The following MED13 variants were observed in gnomAD, a reference collection of about 807,000 sequenced individuals.
MED13 encodes the protein mediator complex subunit 13.
In MED13, 23 loss-of-function variants were observed where a neutral mutation model predicts 225.2. That is an observed-to-expected ratio of 0.10 (90% CI 0.07 to 0.14). The LOEUF (loss-of-function observed/expected upper bound fraction) is 0.14, where lower values mean the gene tolerates loss of function less well. MED13 is among the 10% of genes least tolerant of loss of function. The pLI, the probability that MED13 is intolerant of heterozygous loss-of-function variation, is 1.00. For synonymous variants in MED13, 942 were observed against 889.2 expected (o/e 1.06, Z -1.06); for missense variants, 2,197 against 2,594.5 (o/e 0.85, Z 3.33).
intron 3 of MED13, among the ~76,000 whole-genome samples, chr17:62,035,827 C>G (rs1438969697): frequency 1.3e-5 from 2 of 151,988 alleles, no homozygotes; most frequent in Non-Finnish European, 2.9e-5. Flanking sequence ...AATACAGGAA[C>G]CAGTTAAACG....
At chr17:62,024,660 A>T (rs1407804846) in intron 8 of MED13, among the ~76,000 whole-genome samples, 1 of 152,190 alleles carries the variant, frequency 6.6e-6, no homozygotes, top group East Asian at 1.9e-4. Context: ...ACTAGTATCC[A>T]ATAGTTATTT....
At chr17:61,977,837 C>T (rs1013408408) in intron 16 of MED13, among the ~76,000 whole-genome samples, 3 of 151,600 alleles carry the variant, frequency 2.0e-5, no homozygotes, top group African/African-American at 7.3e-5. Flanking sequence ...GCAATACTCC[C>T]GCCTCAGCCT....
chr17:61,969,862 A>G (rs549354926), intron 17 of MED13, among the ~76,000 whole-genome samples: 1 of 152,284 alleles, frequency 6.6e-6, no homozygotes, highest in Non-Finnish European at 1.5e-5. Flanking sequence ...TCGGCCTCCC[A>G]AAGTGCTGGG....
intron 1 of MED13, among the ~76,000 whole-genome samples, chr17:62,064,282 T>C (rs532991476): frequency 3.3e-4 from 50 of 152,300 alleles, no homozygotes; most frequent in South Asian, 2.1e-3. Context: ...TTTGCAACAG[T>C]TGGTACTTCT....
At chr17:61,991,171 T>C (rs572313457) in intron 11 of MED13, among the ~76,000 whole-genome samples, 99 of 152,206 alleles carry the variant, frequency 6.5e-4, no homozygotes, top group Non-Finnish European at 7.4e-4. Flanking sequence ...CAGGCTGCAG[T>C]GCAGTGGCAC....
rs190225556 is a variant in MED13, at chr17:61,962,872, T to A, written c.4944A>T (p.Thr1648=). Residue 1648 remains threonine, a synonymous_variant, in exon 21 of 30, where the codon ACA becomes ACT. Coordinates refer to ENST00000397786, the MANE Select transcript of MED13 (RefSeq NM_005121.3). ...TAGTGCTCTCGTCTGTATTTTCGTA[T>A]GTAAAAGGATCAATTATATAAACAA... ...AIVVYIIDPF[T]YENTDESTNS... The A allele has an allele frequency of 6.3e-4, 1,014 of 1,614,054 alleles. 6 individuals are homozygous for A. Among genetic ancestry groups the A allele is most frequent in the African/African-American group, 4.5e-3 (335 of 75,028 alleles).
chr17:62,061,331 C>A (rs772733757), intron 2 of MED13, among the ~76,000 whole-genome samples: 4 of 150,184 alleles, frequency 2.7e-5, no homozygotes, highest in African/African-American at 7.4e-5. Context: ...CCAGCCTGGT[C>A]AACACAGCAA....
intron 16 of MED13, among the ~76,000 whole-genome samples, chr17:61,980,976 A>T (rs998351493): frequency 6.0e-5 from 9 of 150,884 alleles, no homozygotes; most frequent in African/African-American, 2.0e-4. Context: ...TGCCCACCTC[A>T]GTCTCCCAAA....
At chr17:62,044,404 TTTCC>T (rs2080881245) in intron 3 of MED13, among the ~76,000 whole-genome samples, 1 of 151,932 alleles carries the variant, frequency 6.6e-6, no homozygotes. Flanking sequence ...ACAGCCATCC[TTTCC>T]TTCCTGTGAA....
chr17:62,059,023 A>G (rs1439340013), intron 2 of MED13, among the ~76,000 whole-genome samples: 1 of 152,224 alleles, frequency 6.6e-6, no homozygotes, highest in East Asian at 1.9e-4. Context: ...ATCTGAACAG[A>G]TTCTTCAGAA....
At chr17:61,954,208 A>T (rs1213952605) in intron 26 of MED13, among the ~76,000 whole-genome samples, 1 of 152,158 alleles carries the variant, frequency 6.6e-6, no homozygotes, top group Non-Finnish European at 1.5e-5. Context: ...CACGAAAACA[A>T]GAGAGCATAA....
chr17:62,028,073 T>A (rs777490313), intron 8 of MED13, among the ~76,000 whole-genome samples: 22 of 152,172 alleles, frequency 1.4e-4, no homozygotes, highest in Non-Finnish European at 2.8e-4. Context: ...GGAATATAAA[T>A]CATTCTACCA....
At chr17:62,054,225 C>T (rs988906791) in intron 2 of MED13, among the ~76,000 whole-genome samples, 1 of 151,674 alleles carries the variant, frequency 6.6e-6, no homozygotes, top group Non-Finnish European at 1.5e-5. Flanking sequence ...GAGAATCACC[C>T]AAGAGGGAGA....
chr17:61,984,063 G>C, intron 15 of MED13, 108 bp downstream of exon 15: 1 of 832,806 alleles, frequency 1.2e-6, no homozygotes, highest in East Asian at 3.1e-5. Context: ...ATAATTTTTA[G>C]AATTTTCAAA....
intron 9 of MED13, among the ~76,000 whole-genome samples, chr17:61,997,321 A>C (rs781298955): frequency 6.6e-6 from 1 of 152,214 alleles, no homozygotes; most frequent in Admixed American, 6.5e-5. Flanking sequence ...TCCCAAGCAT[A>C]CAAAAACTTT....
intron 10 of MED13, among the ~76,000 whole-genome samples, chr17:61,994,850 CA>C (rs2080333837): frequency 6.6e-6 from 1 of 152,146 alleles, no homozygotes; most frequent in African/African-American, 2.4e-5. Context: ...GCTGGGATTA[CA>C]AGGCGCACAC....
intron 8 of MED13, among the ~76,000 whole-genome samples, chr17:62,012,532 G>A (rs1246745191): frequency 6.6e-6 from 1 of 151,678 alleles, no homozygotes; most frequent in Non-Finnish European, 1.5e-5. Flanking sequence ...GTTTTTCCAT[G>A]TTGGTCAGGC....
intron 11 of MED13, among the ~76,000 whole-genome samples, chr17:61,989,405 G>A (rs1275225277): frequency 2.0e-5 from 3 of 151,996 alleles, no homozygotes; most frequent in African/African-American, 7.2e-5. Flanking sequence ...GCAATGGAGC[G>A]ATCCTGGCTC....
chr17:62,004,341 T>C (rs1351917726), intron 9 of MED13: 1 of 152,214 alleles, frequency 6.6e-6, no homozygotes, highest in East Asian at 1.9e-4. Context: ...ATTTCAGATA[T>C]ATGCTAAGAA....
Sources: gnomAD v4.1 joint callset for allele counts (sites outside exome capture counted in the v4.1 genomes callset) on GRCh38, gnomAD v4.1.1 for gene constraint, MANE v1.5 for transcripts, NCBI Gene and HGNC (gene_info 2026-07-23, HGNC 2026-07-21) for gene names.